Variants in GNG12 observed in about 807,000 individuals in gnomAD.
GNG12 encodes guanine nucleotide-binding protein G(I)/G(S)/G(O) subunit gamma-12.
For synonymous variants in GNG12, 28 were observed against 29.7 expected (o/e 0.94, Z 0.19); for missense variants, 69 against 83.8 (o/e 0.82, Z 0.69).
chr1:67,815,102 G>C (rs1646946087), intron 1 of GNG12, among the ~76,000 whole-genome samples: 1 of 152,160 alleles, frequency 6.6e-6, no homozygotes, highest in South Asian at 2.1e-4. Flanking sequence ...TCTCAAGGGG[G>C]AATGGAGAAA....
At position 67,709,945 on chromosome 1, in the gene GNG12, T is replaced by C. The variant is rs1231177722; in HGVS notation, c.-26-2233A>G. On this transcript the variant is annotated intron_variant, in intron 2 of 3. Transcript: ENST00000370982. ...ATAGTTATATATATAGTTATATATA[T>C]ATAGTTATATATATAGTTATATATA... Among the ~76,000 whole-genome samples, 308 of 39,692 alleles carry C rather than the reference T, an allele frequency of 7.8e-3. 53 individuals are homozygous for C. In the East Asian group the frequency reaches 0.17, roughly 22 times the overall value. 26.0% of individuals were successfully genotyped at this position (39,692 alleles called of 152,430 possible).
chr1:67,830,068 C>G lies in GNG12; in HGVS notation c.-77+3276G>C, dbSNP rs977369276. 2.0e-5 allele frequency among the ~76,000 whole-genome samples: 3 copies of G among 148,278 alleles called. No individual in the cohort carries two copies. The East Asian group carries it at 6.1e-4, about 30-fold the overall frequency. The stretch of plus-strand genomic sequence containing the variant: ...TTGCCCAGGCTGGAGTGCAATGGCA[C>G]GATCTCGATTCACCGCAACCTCCGC... On this transcript the variant is annotated intron_variant, in intron 1 of 3. Transcript: ENST00000370982.
At chr1:67,759,892 G>A (rs1289159052) in intron 2 of GNG12, among the ~76,000 whole-genome samples, 1 of 152,182 alleles carries the variant, frequency 6.6e-6, no homozygotes, top group Admixed American at 6.5e-5. Flanking sequence ...GAGTTCTGGT[G>A]TCCCTCCAAA....
chr1:67,776,207 A>G (rs1646704518), intron 2 of GNG12, among the ~76,000 whole-genome samples: 2 of 152,148 alleles, frequency 1.3e-5, no homozygotes, highest in South Asian at 4.1e-4. Context: ...AAGTAAGACT[A>G]AGATTTGACA....
intron 1 of GNG12, among the ~76,000 whole-genome samples, chr1:67,820,381 CAA>C (rs762387033): frequency 4.7e-5 from 5 of 106,246 alleles, no homozygotes; most frequent in Admixed American, 1.0e-4. Context: ...GACTCCATCT[CAA>C]AAAAAAAAAA....
chr1:67,819,930 C>T (rs1646975706), intron 1 of GNG12, among the ~76,000 whole-genome samples: 1 of 152,180 alleles, frequency 6.6e-6, no homozygotes, highest in South Asian at 2.1e-4. Flanking sequence ...CCTCCATCCC[C>T]AGTCCATCTC....
At chr1:67,809,264 C>T (rs1646910065) in intron 1 of GNG12, among the ~76,000 whole-genome samples, 1 of 152,144 alleles carries the variant, frequency 6.6e-6, no homozygotes. Flanking sequence ...AGACACAGAC[C>T]TATAGCCTTC....
chr1:67,756,956 T>C (rs1308700905), intron 2 of GNG12, among the ~76,000 whole-genome samples: 2 of 152,170 alleles, frequency 1.3e-5, no homozygotes, highest in Non-Finnish European at 2.9e-5. Flanking sequence ...ATCCAGAGCC[T>C]CCAGCTGTGG....
chr1:67,769,745 A>G (rs1363970202), intron 2 of GNG12, among the ~76,000 whole-genome samples: 1 of 152,138 alleles, frequency 6.6e-6, no homozygotes, highest in Non-Finnish European at 1.5e-5. Flanking sequence ...GAGGCCCAGG[A>G]AAGAATTCCA....
At chr1:67,779,029 G>A (rs1358207459) in intron 1 of GNG12, among the ~76,000 whole-genome samples, 1 of 152,086 alleles carries the variant, frequency 6.6e-6, no homozygotes, top group East Asian at 1.9e-4. Context: ...GGTGGTGGCT[G>A]GGGAGGTTAA....
At chr1:67,775,084 G>A (rs1391511370) in intron 2 of GNG12, among the ~76,000 whole-genome samples, 4 of 152,112 alleles carry the variant, frequency 2.6e-5, no homozygotes, top group Admixed American at 6.6e-5. Flanking sequence ...CCTCTACCAC[G>A]CAGGCTACTG....
intron 1 of GNG12, among the ~76,000 whole-genome samples, chr1:67,781,851 C>G (rs531694948): frequency 6.6e-6 from 1 of 152,204 alleles, no homozygotes; most frequent in Admixed American, 6.5e-5. Context: ...AGAAAAAAAT[C>G]AAGAATTCTG....
chr1:67,758,883 TGGGAA>T (rs1646585549), intron 2 of GNG12, among the ~76,000 whole-genome samples: 1 of 151,652 alleles, frequency 6.6e-6, no homozygotes, highest in South Asian at 2.1e-4. Flanking sequence ...TACCAGAGGC[TGGGAA>T]GGGAAGGGGG....
intron 2 of GNG12, among the ~76,000 whole-genome samples, chr1:67,733,370 T>C (rs896497777): frequency 2.0e-5 from 3 of 152,226 alleles, no homozygotes; most frequent in East Asian, 1.9e-4. Context: ...CTATTGTCAA[T>C]ATAGTCTTTT....
intron 2 of GNG12, among the ~76,000 whole-genome samples, chr1:67,737,656 A>C (rs1009487913): frequency 3.9e-5 from 6 of 152,092 alleles, no homozygotes; most frequent in Admixed American, 2.6e-4. Context: ...CCTGCTCCAA[A>C]GATAGCTGTC....
intron 1 of GNG12, among the ~76,000 whole-genome samples, chr1:67,804,656 T>C (rs1196692848): frequency 1.3e-5 from 2 of 151,662 alleles, no homozygotes; most frequent in African/African-American, 4.9e-5. Flanking sequence ...GCCCCAAAAG[T>C]TGGAGAGATA....
At chr1:67,820,088 A>AC (rs1646976555) in intron 1 of GNG12, among the ~76,000 whole-genome samples, 1 of 20,538 alleles carries the variant, frequency 4.9e-5, no homozygotes, top group African/African-American at 1.9e-4. Context: ...TTGCTGAATT[A>AC]AAAAAAAAAA....
intron 1 of GNG12, among the ~76,000 whole-genome samples, chr1:67,790,419 AT>A (rs1380220723): frequency 2.0e-5 from 3 of 152,186 alleles, no homozygotes; most frequent in African/African-American, 7.2e-5. Flanking sequence ...AAGAAAAAAA[AT>A]CTGTCATCCA....
At chr1:67,729,503 A>G (rs574116247) in intron 2 of GNG12, among the ~76,000 whole-genome samples, 3 of 152,032 alleles carry the variant, frequency 2.0e-5, no homozygotes, top group South Asian at 2.1e-4. Context: ...GATTAGCCCT[A>G]TTGGTTCTAT....
Sources: allele counts gnomAD v4.1 joint callset (sites outside exome capture counted in the v4.1 genomes callset), GRCh38; gene constraint gnomAD v4.1.1; transcripts MANE v1.5; gene names NCBI Gene and HGNC (gene_info 2026-07-23, HGNC 2026-07-21).